Variants in MBOAT1 observed in about 807,000 individuals in gnomAD.
MBOAT1 encodes the protein membrane bound glycerophospholipid O-acyltransferase 1.
A neutral mutation model predicts 64.4 loss-of-function variants in MBOAT1; 67 were observed. The ratio of observed to expected loss-of-function variants is 1.04; its 90% CI spans 0.85 to 1.27. MBOAT1 has a LOEUF of 1.27. Among genes scored for constraint, MBOAT1 ranks in the 50% most tolerant of loss-of-function variants. The pLI, the probability that MBOAT1 is intolerant of heterozygous loss-of-function variation, is 0.00. For synonymous variants in MBOAT1, 229 were observed against 218.9 expected (o/e 1.05, Z -0.41); for missense variants, 563 against 604.6 (o/e 0.93, Z 0.72).
chr6:20,176,999 G>A (rs1387873215), intron 1 of MBOAT1, among the ~76,000 whole-genome samples: 1 of 152,178 alleles, frequency 6.6e-6, no homozygotes, highest in Non-Finnish European at 1.5e-5. Flanking sequence ...ATTATGGTCA[G>A]AACTCCACAA....
rs1194618571 is a variant in MBOAT1, at chr6:20,101,477, C to T, written c.*809G>A. On this transcript the variant is annotated 3_prime_UTR_variant, in exon 13 of 13. Transcript: ENST00000324607. ...CCATGATCCCTCTGCCTCCATGGTC[C>T]TCTGAGTGTAGTTATTATGTCTGCA... Among the ~76,000 whole-genome samples the T allele has an allele frequency of 1.3e-5, 2 of 152,198 alleles. No homozygotes were observed. The highest frequency in any genetic ancestry group is 2.9e-5 in the Non-Finnish European group (2 of 68,048).
chr6:20,183,629 C>T (rs1339029464), intron 1 of MBOAT1, among the ~76,000 whole-genome samples: 2 of 152,222 alleles, frequency 1.3e-5, no homozygotes, highest in African/African-American at 4.8e-5. Flanking sequence ...GTTAAGTCCA[C>T]CAACAAAAAT....
intron 7 of MBOAT1, chr6:20,125,994 A>G (rs1054796080): frequency 2.4e-5 from 7 of 293,744 alleles, no homozygotes; most frequent in African/African-American, 6.8e-5. Context: ...AGAGATTGAT[A>G]AAATTCAGTT....
intron 4 of MBOAT1, among the ~76,000 whole-genome samples, chr6:20,140,423 C>A (rs923486016): frequency 4.6e-5 from 7 of 152,146 alleles, no homozygotes; most frequent in African/African-American, 9.7e-5. Flanking sequence ...CTTGGTGTAC[C>A]TATGAGGGTT....
chr6:20,130,467 C>A (rs1157851322), intron 5 of MBOAT1, among the ~76,000 whole-genome samples: 1 of 152,154 alleles, frequency 6.6e-6, no homozygotes, highest in East Asian at 1.9e-4. Context: ...GATTCTCCTG[C>A]CTCAGCCTCC....
At position 20,148,774 on chromosome 6, in the gene MBOAT1, C is replaced by G. The variant is rs575658371; in HGVS notation, c.323+2411G>C. Among the ~76,000 whole-genome samples, 7 of 152,146 alleles carry G rather than the reference C, an allele frequency of 4.6e-5. 1 individual carries two copies. Among genetic ancestry groups the G allele is most frequent in the African/African-American group, 1.4e-4 (6 of 41,492 alleles). ...CCAAGGGGAACTGTGAAACAATTTC[C>G]ACTTCGGCAATATTGGCAGCCACAA... On this transcript the variant is annotated intron_variant, in intron 3 of 12. Transcript: ENST00000324607.
At chr6:20,151,473 G>T (rs1468094095) in intron 2 of MBOAT1, among the ~76,000 whole-genome samples, 1 of 152,206 alleles carries the variant, frequency 6.6e-6, no homozygotes, top group Non-Finnish European at 1.5e-5. Flanking sequence ...TTTGCCAACT[G>T]CAGGGCTAAT....
rs1372162700 is a variant in MBOAT1 at position 20,116,353 on chromosome 6, AT to A, written c.1012-1002del. 1.1e-3 allele frequency among the ~76,000 whole-genome samples: 173 copies of A among 152,242 alleles called. 1 individual carries two copies. The highest frequency in any genetic ancestry group is 4.1e-3 in the African/African-American group (170 of 41,548). On this transcript the variant is annotated intron_variant, in intron 9 of 12. Coordinates refer to ENST00000324607, the MANE Select transcript of MBOAT1 (RefSeq NM_001080480.3). ...TCTCAAAAAAAAAATAAAAATAAAA[AT>A]AAAAATAACCGTGATGCAAACATAC... is the stretch of plus-strand genomic sequence containing the variant.
chr6:20,121,600 T>C (rs933156233), intron 8 of MBOAT1, among the ~76,000 whole-genome samples: 1 of 152,196 alleles, frequency 6.6e-6, no homozygotes, highest in Admixed American at 6.5e-5. Context: ...CACTTCCCAG[T>C]CCAGGTCCTT....
intron 5 of MBOAT1, among the ~76,000 whole-genome samples, chr6:20,129,726 A>T (rs1481854998): frequency 6.6e-6 from 1 of 152,252 alleles, no homozygotes; most frequent in East Asian, 1.9e-4. Flanking sequence ...CTCATCAAAT[A>T]GTAATCGCTG....
chr6:20,116,599 G>A (rs1299131794), intron 9 of MBOAT1, among the ~76,000 whole-genome samples: 1 of 152,094 alleles, frequency 6.6e-6, no homozygotes, highest in African/African-American at 2.4e-5. Context: ...AAAACTTCAA[G>A]GAGTTTTATT....
At chr6:20,149,908 G>C (rs1483708280) in intron 3 of MBOAT1, among the ~76,000 whole-genome samples, 1 of 152,202 alleles carries the variant, frequency 6.6e-6, no homozygotes, top group Non-Finnish European at 1.5e-5. Context: ...GCCGTCAGAA[G>C]CCATAAAAGG....
chr6:20,168,772 G>A (rs984421843), intron 1 of MBOAT1, among the ~76,000 whole-genome samples: 3 of 104,618 alleles, frequency 2.9e-5, no homozygotes, highest in Non-Finnish European at 6.0e-5. Context: ...GGAGGGGAGA[G>A]GAGGGGAAGG....
intron 1 of MBOAT1, among the ~76,000 whole-genome samples, chr6:20,160,043 A>G (rs1475873861): frequency 6.6e-6 from 1 of 152,192 alleles, no homozygotes; most frequent in East Asian, 1.9e-4. Flanking sequence ...AGACTGACAT[A>G]GCTCAGATTC....
At chr6:20,163,090 G>A (rs1761909183) in intron 1 of MBOAT1, among the ~76,000 whole-genome samples, 2 of 152,202 alleles carry the variant, frequency 1.3e-5, no homozygotes, top group South Asian at 4.1e-4. Flanking sequence ...ATGGCTAAAA[G>A]GTGGAAAACG....
chr6:20,183,614 C>G (rs1211991338), intron 1 of MBOAT1, among the ~76,000 whole-genome samples: 1 of 152,150 alleles, frequency 6.6e-6, no homozygotes, highest in Non-Finnish European at 1.5e-5. Flanking sequence ...TAAGCCCTGC[C>G]AAGTGTTAAG....
At chr6:20,148,281 G>A (rs1490631561) in intron 3 of MBOAT1, among the ~76,000 whole-genome samples, 4 of 152,264 alleles carry the variant, frequency 2.6e-5, no homozygotes, top group African/African-American at 9.6e-5. Context: ...GCTGAGTGTG[G>A]TGGTAGGTGC....
At chr6:20,171,425 C>T (rs1009198023) in intron 1 of MBOAT1, among the ~76,000 whole-genome samples, 11 of 150,258 alleles carry the variant, frequency 7.3e-5, no homozygotes, top group African/African-American at 2.7e-4. Context: ...TGGTGATGCA[C>T]ACCTGTAGTC....
chr6:20,108,909 A>G (rs1760037449), intron 12 of MBOAT1, among the ~76,000 whole-genome samples: 1 of 152,240 alleles, frequency 6.6e-6, no homozygotes, highest in Non-Finnish European at 1.5e-5. Context: ...AAGATCACAC[A>G]CAATCAGTTC....
Sources: allele counts gnomAD v4.1 joint callset (sites outside exome capture counted in the v4.1 genomes callset), GRCh38; gene constraint gnomAD v4.1.1; transcripts MANE v1.5; gene names NCBI Gene and HGNC (gene_info 2026-07-23, HGNC 2026-07-21).